The following ARSK variants were observed in gnomAD, a reference collection of about 807,000 sequenced individuals.
ARSK encodes the protein arylsulfatase family member K, also known as arylsulfatase K.
A neutral mutation model predicts 53.2 loss-of-function variants in ARSK; 37 were observed. That is an observed-to-expected ratio of 0.70 (90% CI 0.54 to 0.92). The LOEUF (loss-of-function observed/expected upper bound fraction) is 0.92, where lower values mean the gene tolerates loss of function less well. Among genes scored for constraint, ARSK ranks in the 40% least tolerant of loss-of-function variants. The pLI, the probability that ARSK is intolerant of heterozygous loss-of-function variation, is 0.00. For synonymous variants in ARSK, 208 were observed against 223.2 expected (o/e 0.93, Z 0.61); for missense variants, 613 against 643.0 (o/e 0.95, Z 0.51).
At chr5:95,581,528 C>T (rs1176624149) in intron 3 of ARSK, among the ~76,000 whole-genome samples, 1 of 152,138 alleles carries the variant, frequency 6.6e-6, no homozygotes, top group Non-Finnish European at 1.5e-5. Flanking sequence ...GTATTAAAAG[C>T]CTGCTTGTTG....
chr5:95,596,945 C>T (rs1215513783), intron 6 of ARSK, among the ~76,000 whole-genome samples: 1 of 151,806 alleles, frequency 6.6e-6, no homozygotes, highest in East Asian at 1.9e-4. Flanking sequence ...AATTCTATCA[C>T]TAGTGTGATA....
Position 95,591,471 on chromosome 5 carries a change from T to C in ARSK, c.942T>C (p.His314=), listed in dbSNP as rs536220801. Reference sequence around the variant, plus strand: ...CTATTGTCATATACTCCTCAGACCATGGAGAGCTGGCCATGGAACATCGAC... The same window carrying C: ...CTATTGTCATATACTCCTCAGACCACGGAGAGCTGGCCATGGAACATCGAC... ...QKTIVIYSSD[H]GELAMEHRQF... is the part of the protein sequence containing the mutation. The change falls in exon 6 of 8, where the codon CAT becomes CAC. Residue 314 remains histidine (H), a synonymous_variant. Coordinates refer to ENST00000380009, the MANE Select transcript of ARSK (RefSeq NM_198150.3). The C allele has an allele frequency of 1.2e-6, 2 of 1,614,124 alleles. No individual in the cohort carries two copies. The highest frequency in any genetic ancestry group is 1.7e-6 in the Non-Finnish European group (2 of 1,179,984).
At chr5:95,588,650 T>C (rs1316595505) in intron 5 of ARSK, among the ~76,000 whole-genome samples, 2 of 152,162 alleles carry the variant, frequency 1.3e-5, no homozygotes, top group Non-Finnish European at 2.9e-5. Context: ...GAGTATAGTA[T>C]GTTGAATACT....
intron 6 of ARSK, among the ~76,000 whole-genome samples, chr5:95,595,584 G>A (rs182050087): frequency 1.1e-3 from 161 of 151,940 alleles, no homozygotes; most frequent in African/African-American, 3.7e-3. Flanking sequence ...ACCAAATACC[G>A]GATGTTCTCA....
chr5:95,562,671 G>A (rs1748662434), intron 1 of ARSK, among the ~76,000 whole-genome samples: 1 of 151,928 alleles, frequency 6.6e-6, no homozygotes, highest in Non-Finnish European at 1.5e-5. Flanking sequence ...AAAAATGTGT[G>A]GACCCATGAG....
chr5:95,566,094 A>T lies in ARSK; in HGVS notation c.223A>T (p.Thr75Ser), dbSNP rs1284727226. 2 of 1,613,806 alleles carry T rather than the reference A, an allele frequency of 1.2e-6. No homozygotes were observed. Among genetic ancestry groups the T allele is most frequent in the Non-Finnish European group, 1.7e-6 (2 of 1,179,890 alleles). The change falls in exon 2 of 8, where the codon ACA (threonine) becomes TCA (serine). Residue 75 changes from threonine to serine, a missense_variant. By Grantham distance (58) the Thr-to-Ser change is moderately conservative (BLOSUM62 1). Coordinates refer to ENST00000380009, the MANE Select transcript of ARSK (RefSeq NM_198150.3). ...TGGGACTTCCTTTCTGAATGCCTACACAAACTCTCCAATTTGTTGCCCATC... is the reference window on the plus strand; with the variant it reads ...TGGGACTTCCTTTCTGAATGCCTACTCAAACTCTCCAATTTGTTGCCCATC... ...TRGTSFLNAYTNSPICCPSRA... is the reference protein window; with the variant it reads ...TRGTSFLNAYSNSPICCPSRA...
intron 7 of ARSK, among the ~76,000 whole-genome samples, chr5:95,601,703 A>G (rs538244744): frequency 6.7e-4 from 102 of 152,250 alleles, no homozygotes; most frequent in Non-Finnish European, 1.4e-3. Flanking sequence ...TACATAAAAT[A>G]TGTGCTAAAG....
At chr5:95,585,352 A>G (rs1348114597) in intron 4 of ARSK, among the ~76,000 whole-genome samples, 5 of 152,236 alleles carry the variant, frequency 3.3e-5, no homozygotes, top group Non-Finnish European at 7.3e-5. Flanking sequence ...TCATTATACG[A>G]AAAAGATACT....
intron 3 of ARSK, among the ~76,000 whole-genome samples, chr5:95,572,561 G>A (rs1748851147): frequency 6.6e-6 from 1 of 152,182 alleles, no homozygotes; most frequent in South Asian, 2.1e-4. Flanking sequence ...GGCAGATCAC[G>A]AGGTCAGGAG....
chr5:95,577,325 A>C (rs1748941247), intron 3 of ARSK, among the ~76,000 whole-genome samples: 1 of 152,240 alleles, frequency 6.6e-6, no homozygotes, highest in South Asian at 2.1e-4. Context: ...TAAAATGGTG[A>C]ATGTGATCTA....
At chr5:95,581,349 A>T (rs1749018178) in intron 3 of ARSK, among the ~76,000 whole-genome samples, 1 of 152,206 alleles carries the variant, frequency 6.6e-6, no homozygotes, top group Non-Finnish European at 1.5e-5. Flanking sequence ...AGATGCAGCA[A>T]GCTGGGTTCA....
At chr5:95,568,726 A>G (rs1024646660) in intron 3 of ARSK, among the ~76,000 whole-genome samples, 8 of 152,158 alleles carry the variant, frequency 5.3e-5, no homozygotes, top group Non-Finnish European at 1.0e-4. Flanking sequence ...GCATCTAGGA[A>G]CTTGGATTTC....
chr5:95,594,685 C>G (rs771761399), intron 6 of ARSK, among the ~76,000 whole-genome samples: 1 of 151,876 alleles, frequency 6.6e-6, no homozygotes, highest in Non-Finnish European at 1.5e-5. Context: ...ACTAAAAATG[C>G]AAAAAATTAG....
In ARSK at chr5:95,566,064, A is replaced by C; in HGVS notation, c.193A>C (p.Thr65Pro). 6.2e-7 allele frequency: 1 copy of C among 1,613,658 alleles called. No individual in the cohort carries two copies. The highest frequency in any genetic ancestry group is 8.5e-7 in the Non-Finnish European group (1 of 1,179,816). The change falls in exon 2 of 8, where the codon ACA becomes CCA. Residue 65 changes from threonine to proline, a missense_variant. Coordinates refer to ENST00000380009, the MANE Select transcript of ARSK (RefSeq NM_198150.3). ...ACTTCCTTTTATCAACTTTATGAAG[A>C]CACGTGGGACTTCCTTTCTGAATGC... ...VKLPFINFMK[T>P]RGTSFLNAYT...
At chr5:95,573,115 A>G (rs1748863197) in intron 3 of ARSK, among the ~76,000 whole-genome samples, 1 of 152,206 alleles carries the variant, frequency 6.6e-6, no homozygotes, top group Non-Finnish European at 1.5e-5. Flanking sequence ...TAGACATTTT[A>G]TGCTCGTCAG....
chr5:95,570,421 T>C (rs1748806342), intron 3 of ARSK, among the ~76,000 whole-genome samples: 1 of 152,188 alleles, frequency 6.6e-6, no homozygotes, highest in Admixed American at 6.5e-5. Context: ...AAGAAGTACA[T>C]GTAGGAGGAG....
intron 3 of ARSK, 39 bp from the exon 4 acceptor site, chr5:95,582,877 A>C: frequency 6.6e-7 from 1 of 1,506,356 alleles, no homozygotes; most frequent in African/African-American, 1.4e-5. Context: ...AAAACTTTTT[A>C]ATATACCTGA....
rs1313500401 is a variant in ARSK at position 95,555,761 on chromosome 5, G to A, written c.126+357G>A. ...ACATTCTGCATCTCCATAAAAGCGTGTTAGCTTTCCAAAAGTCATTTTCCA... is the reference window on the plus strand; with the variant it reads ...ACATTCTGCATCTCCATAAAAGCGTATTAGCTTTCCAAAAGTCATTTTCCA... On this transcript the variant is annotated intron_variant, in intron 1 of 7. Transcript: ENST00000380009. This position sits in a 1 kb window ranked among gnomAD's most constrained non-coding sequence, Gnocchi z 4.0. Among the ~76,000 whole-genome samples the A allele has an allele frequency of 6.6e-6, 1 of 152,184 alleles. No homozygotes were observed. The highest frequency in any genetic ancestry group is 1.5e-5 in the Non-Finnish European group (1 of 68,030).
At chr5:95,578,581 G>A (rs921143816) in intron 3 of ARSK, among the ~76,000 whole-genome samples, 3 of 152,048 alleles carry the variant, frequency 2.0e-5, no homozygotes, top group African/African-American at 7.3e-5. Flanking sequence ...TTTTGATTGT[G>A]AGACTTACCA....
Sources: gnomAD v4.1 joint callset for allele counts (sites outside exome capture counted in the v4.1 genomes callset) on GRCh38, gnomAD v4.1.1 for gene constraint, Gnocchi (gnomAD v3.1) non-coding constraint, MANE v1.5 for transcripts, NCBI Gene and HGNC (gene_info 2026-07-23, HGNC 2026-07-21) for gene names.